Variants in MYO7B observed in about 807,000 individuals in gnomAD.
MYO7B encodes the protein myosin VIIB.
A neutral mutation model predicts 259.7 loss-of-function variants in MYO7B; 212 were observed. That is an observed-to-expected ratio of 0.82 (90% CI 0.73 to 0.91). The LOEUF (loss-of-function observed/expected upper bound fraction) is 0.91. Ranked by LOEUF, MYO7B falls within the 40% of genes least tolerant of loss-of-function variation. The pLI is 0.00. For synonymous variants in MYO7B, 1,197 were observed against 1,166.4 expected, an observed-to-expected ratio of 1.03 and a Z score of -0.54; for missense variants, 2,732 against 2,813.5, an observed-to-expected ratio of 0.97 and a Z score of 0.66.
At chr2:127,581,504 T>C (rs1679095778) in intron 10 of MYO7B, among the ~76,000 whole-genome samples, 1 of 152,240 alleles carries the variant, frequency 6.6e-6, no homozygotes, top group Admixed American at 6.5e-5. Flanking sequence ...TCAGAAACTC[T>C]GGGTTTTGTC....
rs1678923903 is a variant in MYO7B, at chr2:127,577,605, T to C, written c.850-528T>C. On this transcript the variant is annotated intron_variant, in intron 8 of 47. Transcript: ENST00000409816. The surrounding 1 kb of genome is among the most constrained non-coding windows in gnomAD (Gnocchi z 5.2). ...TCGTGGCCTTGCTCCCATCATCCTC[T>C]GCCTAAACTGCCCTCTGTCCTCAGA... 6.6e-6 allele frequency among the ~76,000 whole-genome samples: 1 copy of C among 152,074 alleles called. No individual in the cohort carries two copies. The highest frequency in any genetic ancestry group is 1.5e-5 in the Non-Finnish European group (1 of 67,998).
At chr2:127,605,780 C>T (rs1348215010) in intron 19 of MYO7B, 64 bp from the exon 20 acceptor site, 8 of 1,448,738 alleles carry the variant, frequency 5.5e-6, no homozygotes, top group Non-Finnish European at 6.7e-6. Context: ...ACCAGTTTTT[C>T]TCCCTCAGAA....
Position 127,627,542 on chromosome 2 carries a change from CT to C in MYO7B, c.4460+234del, listed in dbSNP as rs1401266176. On this transcript the variant is annotated intron_variant, in intron 33 of 47. Coordinates refer to ENST00000409816, the MANE Select transcript of MYO7B (RefSeq NM_001393586.1). The surrounding 1 kb of genome is among the most constrained non-coding windows in gnomAD (Gnocchi z 5.6). ...GGGGCATCACGCGTTGCACTGGCAG[CT>C]TCTCTTTGAAACCCAGGTCCACCCG... 4 of 670,694 alleles carry C rather than the reference CT, an allele frequency of 6.0e-6. No homozygotes were observed. Among genetic ancestry groups the C allele is most frequent in the Non-Finnish European group, 8.0e-6 (3 of 373,668 alleles). 41.5% of individuals were successfully genotyped at this position (670,694 alleles called of 1,614,324 possible). A position where few individuals can be genotyped will look rare whatever the true frequency, so the allele number is the denominator to read the frequency against.
intron 1 of MYO7B, among the ~76,000 whole-genome samples, chr2:127,548,728 CT>C (rs1239426900): frequency 3.9e-5 from 6 of 152,214 alleles, no homozygotes; most frequent in African/African-American, 1.4e-4. Context: ...GATTTTTTAA[CT>C]ATGCATTCAG....
chr2:127,617,498 T>TTG (rs1214955767), intron 26 of MYO7B, among the ~76,000 whole-genome samples: 5 of 130,204 alleles, frequency 3.8e-5, no homozygotes, highest in African/African-American at 1.5e-4. Flanking sequence ...TTTTTTTTTT[T>TTG]TTTTTTTTTT....
chr2:127,562,113 C>T (rs1352911579), intron 2 of MYO7B, among the ~76,000 whole-genome samples: 1 of 152,080 alleles, frequency 6.6e-6, no homozygotes, highest in Non-Finnish European at 1.5e-5. Flanking sequence ...GGACCACACC[C>T]TTAGGACCTT....
At chr2:127,578,484 C>T (rs539946192) in intron 9 of MYO7B, among the ~76,000 whole-genome samples, 198 bp downstream of exon 9, 7 of 152,312 alleles carry the variant, frequency 4.6e-5, no homozygotes, top group South Asian at 4.1e-4. Context: ...TAAGGCTCTC[C>T]ACAGGTGGAG....
Position 127,628,169 on chromosome 2 carries a change from T to C in MYO7B, c.4461-203T>C. 1 of 713,396 alleles carries C rather than the reference T, an allele frequency of 1.4e-6. No individual in the cohort carries two copies. Among genetic ancestry groups the C allele is most frequent in the Non-Finnish European group, 2.5e-6 (1 of 400,254 alleles). The allele number at this position is 713,396 out of a possible 1,614,324, so 44.2% of individuals were successfully genotyped here. ...ACCCCACACATGGGCTGCACCACTC[T>C]CAGCCTCCGAGAGGTCCTGTGCTCC... On this transcript the variant is annotated intron_variant, in intron 33 of 47. Transcript: ENST00000409816. This position sits in a 1 kb window ranked among gnomAD's most constrained non-coding sequence, Gnocchi z 4.8.
intron 25 of MYO7B, 47 bp downstream of exon 25, chr2:127,612,374 C>G: frequency 6.7e-7 from 1 of 1,498,700 alleles, no homozygotes; most frequent in Non-Finnish European, 9.0e-7. Flanking sequence ...TGCTGGCCTG[C>G]TACAGGGTTC....
intron 5 of MYO7B, among the ~76,000 whole-genome samples, chr2:127,567,686 C>G (rs1474295496): frequency 6.6e-6 from 1 of 152,184 alleles, no homozygotes; most frequent in Non-Finnish European, 1.5e-5. Context: ...TTCATTCATT[C>G]ATTCAATCAT....
In MYO7B at chr2:127,576,585, T is replaced by G; in HGVS notation, c.736-10T>G. ...ATGAATCTGTCTGGAATGCCCTCCC[T>G]CCCTCCCAGGCTCCCGAGGAGCGGA... On this transcript the variant is annotated splice_polypyrimidine_tract_variant and intron_variant, in intron 7 of 47. Coordinates refer to ENST00000409816, the MANE Select transcript of MYO7B (RefSeq NM_001393586.1). The surrounding 1 kb of genome is among the most constrained non-coding windows in gnomAD (Gnocchi z 4.9). The G allele has an allele frequency of 3.4e-6, 3 of 873,320 alleles. No individual in the cohort carries two copies. Among genetic ancestry groups the G allele is most frequent in the Non-Finnish European group, 3.7e-6 (2 of 545,570 alleles). The allele number at this position is 873,320 out of a possible 1,614,324, so 54.1% of individuals were successfully genotyped here.
At position 127,636,786 on chromosome 2, in the gene MYO7B, G is replaced by A; in HGVS notation, c.6208-8G>A. The A allele has an allele frequency of 3.1e-6, 5 of 1,601,390 alleles. No individual in the cohort carries two copies. Among genetic ancestry groups the A allele is most frequent in the Non-Finnish European group, 4.3e-6 (5 of 1,171,058 alleles). ...GGCGTCCGGCCCACCCACCCTCTCT[G>A]CCCCCAGGACCTGCTCACCACCTAT... On this transcript the variant is annotated splice_region_variant and splice_polypyrimidine_tract_variant and intron_variant, in intron 46 of 47. Coordinates refer to ENST00000409816, the MANE Select transcript of MYO7B (RefSeq NM_001393586.1). The surrounding 1 kb of genome is among the most constrained non-coding windows in gnomAD (Gnocchi z 4.5).
At chr2:127,565,167 G>A (rs1678276906) in intron 3 of MYO7B, 66 bp from the exon 4 acceptor site, 1 of 1,555,210 alleles carries the variant, frequency 6.4e-7, no homozygotes, top group East Asian at 2.3e-5. Context: ...TTGGAGGGGA[G>A]GGTGTGGCAG....
At position 127,559,357 on chromosome 2, in the gene MYO7B, C is replaced by A. The variant is rs1384358294; in HGVS notation, c.-23-343C>A. Among the ~76,000 whole-genome samples, 3 of 152,222 alleles carry A rather than the reference C, an allele frequency of 2.0e-5. No homozygotes were observed. Among genetic ancestry groups the A allele is most frequent in the Non-Finnish European group, 2.9e-5 (2 of 68,040 alleles). On this transcript the variant is annotated intron_variant, in intron 1 of 47. Transcript: ENST00000409816. The surrounding 1 kb of genome is among the most constrained non-coding windows in gnomAD (Gnocchi z 4.1). ...TAGCTCCAGTGGCTGCTTACCTGAG[C>A]ACTTCCCAAGATGTGTGACGGTGAC...
rs530942851 is a variant in MYO7B at position 127,636,274 on chromosome 2, A to C, written c.6073A>C (p.Lys2025Gln). 2.2e-5 allele frequency: 36 copies of C among 1,613,552 alleles called. No individual in the cohort carries two copies. The African/African-American group carries it at 4.4e-4, about 20-fold the overall frequency. The change falls in exon 45 of 48, where the codon AAG becomes CAG. Residue 2025 changes from lysine to glutamine, a missense_variant. By Grantham distance (53) the Lys-to-Gln change is moderately conservative (BLOSUM62 1). This residue lies in a region of MYO7B where 821 missense variants were observed against 769.3 expected (regional missense o/e 1.07). Coordinates refer to ENST00000409816, the MANE Select transcript of MYO7B (RefSeq NM_001393586.1). This position sits in a 1 kb window ranked among gnomAD's most constrained non-coding sequence, Gnocchi z 4.5. ...GGAGGAGGCCAAGGTGGCCTTCCTG[A>C]AGTGGATCTGCCGGTGGCCCACCTT... Reference protein sequence around the residue: ...TVEEAKVAFLKWICRWPTFGS... With the variant: ...TVEEAKVAFLQWICRWPTFGS...
chr2:127,584,789 C>G lies in MYO7B; in HGVS notation c.1566C>G (p.Leu522=). The stretch of plus-strand genomic sequence containing the variant: ...CTGGGTTCTTCCAGGGGACAGATCT[C>G]ACCATGCTGCAAAAGCTGAACAGCG... ...EESRFPQGTD[L]TMLQKLNSVH... Residue 522 remains leucine, a synonymous_variant, in exon 14 of 48, where the codon CTC becomes CTG. Coordinates refer to ENST00000409816, the MANE Select transcript of MYO7B (RefSeq NM_001393586.1). This position sits in a 1 kb window ranked among gnomAD's most constrained non-coding sequence, Gnocchi z 5.8. The G allele has an allele frequency of 6.2e-7, 1 of 1,613,956 alleles. No homozygotes were observed. Among genetic ancestry groups the G allele is most frequent in the Non-Finnish European group, 8.5e-7 (1 of 1,179,848 alleles).
At chr2:127,622,461 A>G (rs1680888087) in intron 28 of MYO7B, among the ~76,000 whole-genome samples, 1 of 152,184 alleles carries the variant, frequency 6.6e-6, no homozygotes, top group Non-Finnish European at 1.5e-5. Flanking sequence ...CCTTGGTGGC[A>G]TTGCTATTGG....
chr2:127,628,312 T>G lies in MYO7B; in HGVS notation c.4461-60T>G. The stretch of plus-strand genomic sequence containing the variant: ...CCCAACCCCACCTCCCGAGGCTGTT[T>G]AGGGGCTGGATCAGGGGAAGGTGGA... On this transcript the variant is annotated intron_variant, in intron 33 of 47. Transcript: ENST00000409816. This position sits in a 1 kb window ranked among gnomAD's most constrained non-coding sequence, Gnocchi z 4.8. 4 of 1,549,518 alleles carry G rather than the reference T, an allele frequency of 2.6e-6. No homozygotes were observed. In the Middle Eastern group the frequency reaches 5.0e-4, roughly 194 times the overall value.
At position 127,632,036 on chromosome 2, in the gene MYO7B, G is replaced by A. The variant is rs560878608; in HGVS notation, c.5250-210G>A. Among the ~76,000 whole-genome samples, 21 of 152,350 alleles carry A rather than the reference G, an allele frequency of 1.4e-4. No homozygotes were observed. In the East Asian group the frequency reaches 3.9e-3, roughly 28 times the overall value. On this transcript the variant is annotated intron_variant, in intron 38 of 47. Coordinates refer to ENST00000409816, the MANE Select transcript of MYO7B (RefSeq NM_001393586.1). ...CAGTGTCGTCTTCCACAAAATGGGT[G>A]CAATGCCCACCCGCCCCCATCTTGA...
Sources: gnomAD v4.1 joint callset for allele counts (sites outside exome capture counted in the v4.1 genomes callset) on GRCh38, gnomAD v4.1.1 for gene constraint, gnomAD v4.1.1 regional missense constraint, Gnocchi (gnomAD v3.1) non-coding constraint, MANE v1.5 for transcripts, NCBI Gene and HGNC (gene_info 2026-07-23, HGNC 2026-07-21) for gene names.